ANKMY2: variants seen among roughly 807,000 people sequenced by gnomAD.
The protein encoded by ANKMY2 is ankyrin repeat and MYND domain containing 2, also known as ankyrin repeat and MYND domain-containing protein 2.
A neutral mutation model predicts 50.4 loss-of-function variants in ANKMY2; 36 were observed. That is an observed-to-expected ratio of 0.71 (90% confidence interval 0.55 to 0.94). The LOEUF (loss-of-function observed/expected upper bound fraction) is 0.94, where lower values mean the gene tolerates loss of function less well. Ranked by LOEUF, ANKMY2 falls within the 40% of genes least tolerant of loss-of-function variation. The pLI, the probability that ANKMY2 is intolerant of heterozygous loss-of-function variation, is 0.00. For synonymous variants in ANKMY2, 187 were observed against 178.8 expected (o/e 1.05, Z -0.36); for missense variants, 565 against 524.0 (o/e 1.08, Z -0.76).
At position 16,600,908 on chromosome 7, in the gene ANKMY2, T is replaced by C. The variant is rs1583664135; in HGVS notation, c.1179A>G (p.Glu393=). 6.2e-7 allele frequency: 1 copy of C among 1,610,934 alleles called. No homozygotes were observed. Among genetic ancestry groups the C allele is most frequent in the Non-Finnish European group, 8.5e-7 (1 of 1,178,794 alleles). Residue 393 remains glutamate (E), a synonymous_variant, in exon 10 of 10, where the codon GAA becomes GAG. Coordinates refer to ENST00000306999, the MANE Select transcript of ANKMY2 (RefSeq NM_020319.3). The part of the protein sequence containing the change: ...KLDVNSNCVN[E]EQPEAEVGIS... ...TACCTACTTCAGCCTCTGGTTGCTC[T>C]TCATTAACACAGTTAGAATTGACAT...
intron 1 of ANKMY2, among the ~76,000 whole-genome samples, chr7:16,637,670 A>T (rs538989576): frequency 6.6e-6 from 1 of 152,228 alleles, no homozygotes; most frequent in Non-Finnish European, 1.5e-5. Flanking sequence ...GTTCTACATG[A>T]AACCTTATTC....
intron 4 of ANKMY2, among the ~76,000 whole-genome samples, chr7:16,618,665 TGTG>T (rs1342036994): frequency 1.3e-5 from 2 of 152,176 alleles, no homozygotes; most frequent in Admixed American, 6.6e-5. Context: ...ATATTAAAAA[TGTG>T]AAATGAGCCA....
At chr7:16,608,728 G>A (rs992592536) in intron 7 of ANKMY2, among the ~76,000 whole-genome samples, 1 of 152,158 alleles carries the variant, frequency 6.6e-6, no homozygotes, top group African/African-American at 2.4e-5. Context: ...GTGGCTGGGC[G>A]CAGTGGGTCA....
intron 7 of ANKMY2, among the ~76,000 whole-genome samples, chr7:16,608,113 A>G (rs1384917305): frequency 1.3e-5 from 2 of 152,176 alleles, no homozygotes; most frequent in African/African-American, 2.4e-5. Context: ...AAGATGAGAA[A>G]GTGTTTGGGT....
rs1206734880 is a variant in ANKMY2 at position 16,610,645 on chromosome 7, A to G, written c.650T>C (p.Val217Ala). 3.1e-6 allele frequency: 5 copies of G among 1,613,838 alleles called. No individual in the cohort carries two copies. Among genetic ancestry groups the G allele is most frequent in the South Asian group, 1.1e-5 (1 of 91,076 alleles). ...TATGTAATGCATCTTCATAGCCAAT[A>G]CTTCATTCATGTCTCTTTGCTTCAT... Reference protein sequence around the residue: ...KCMKQRDMNEVLAMKMHYISC... With the variant: ...KCMKQRDMNEALAMKMHYISC... The change falls in exon 6 of 10, where the codon GTA becomes GCA. Residue 217 changes from valine (V) to alanine (A), a missense_variant. Val to Ala is a moderately conservative substitution (Grantham distance 64, BLOSUM62 0). Coordinates refer to ENST00000306999, the MANE Select transcript of ANKMY2 (RefSeq NM_020319.3).
chr7:16,612,138 A>AC, intron 5 of ANKMY2, among the ~76,000 whole-genome samples: 1 of 152,332 alleles, frequency 6.6e-6, no homozygotes, highest in East Asian at 1.9e-4. Context: ...GCCAGTCAGT[A>AC]CTTGCTAACC....
chr7:16,639,640 G>A (rs995401771), intron 1 of ANKMY2, among the ~76,000 whole-genome samples: 1 of 152,094 alleles, frequency 6.6e-6, no homozygotes, highest in Non-Finnish European at 1.5e-5. Context: ...AAATTAGCAA[G>A]GTGTGGTGGC....
intron 1 of ANKMY2, 22 bp downstream of exon 1, chr7:16,645,485 C>G (rs1445261956): frequency 5.7e-6 from 9 of 1,592,218 alleles, no homozygotes; most frequent in Non-Finnish European, 7.7e-6. Context: ...GCCGCGGCCG[C>G]GTCGCAGCCC....
chr7:16,600,421 T>C lies in ANKMY2; in HGVS notation c.*340A>G, dbSNP rs906647286. 2 of 167,424 alleles carry C rather than the reference T, an allele frequency of 1.2e-5. No individual in the cohort carries two copies. Among genetic ancestry groups the C allele is most frequent in the Non-Finnish European group, 2.6e-5 (2 of 78,284 alleles). 10.4% of individuals were successfully genotyped at this position (167,424 alleles called of 1,614,324 possible). A position where few individuals can be genotyped will look rare whatever the true frequency, so the allele number is the denominator to read the frequency against. ...ATCTCTCTTCCACACCTGTTCTGCTTGTCCCTTTGTTCCCTAAAGCCTGTA... is the reference window on the plus strand; with the variant it reads ...ATCTCTCTTCCACACCTGTTCTGCTCGTCCCTTTGTTCCCTAAAGCCTGTA... On this transcript the variant is annotated 3_prime_UTR_variant, in exon 10 of 10. Coordinates refer to ENST00000306999, the MANE Select transcript of ANKMY2 (RefSeq NM_020319.3).
At chr7:16,601,713 C>T (rs1243878128) in intron 9 of ANKMY2, among the ~76,000 whole-genome samples, 1 of 152,182 alleles carries the variant, frequency 6.6e-6, no homozygotes, top group Non-Finnish European at 1.5e-5. Context: ...AAATTACATG[C>T]ACTCCCCCAG....
chr7:16,621,690 C>T (rs961538598), intron 4 of ANKMY2, among the ~76,000 whole-genome samples: 1 of 152,180 alleles, frequency 6.6e-6, no homozygotes, highest in African/African-American at 2.4e-5. Context: ...AAATAAATTT[C>T]CTGCCGGGCA....
At chr7:16,611,155 C>T (rs376776612) in intron 5 of ANKMY2, among the ~76,000 whole-genome samples, 88 of 152,314 alleles carry the variant, frequency 5.8e-4, no homozygotes, top group African/African-American at 2.0e-3. Context: ...GTTAACATTA[C>T]TCAGCTCTAG....
At chr7:16,634,908 A>G (rs568332951) in intron 2 of ANKMY2, among the ~76,000 whole-genome samples, 1 of 152,374 alleles carries the variant, frequency 6.6e-6, no homozygotes, top group East Asian at 1.9e-4. Flanking sequence ...AAAATACAGA[A>G]TCATACAGCA....
chr7:16,635,978 T>C (rs1318783865), intron 2 of ANKMY2, among the ~76,000 whole-genome samples: 1 of 152,104 alleles, frequency 6.6e-6, no homozygotes, highest in Non-Finnish European at 1.5e-5. Context: ...ATTAGTGTAA[T>C]ATGAGCAAAA....
At chr7:16,638,829 A>G (rs1364888288) in intron 1 of ANKMY2, among the ~76,000 whole-genome samples, 2 of 147,794 alleles carry the variant, frequency 1.4e-5, no homozygotes, top group Non-Finnish European at 3.0e-5. Flanking sequence ...AGGGTCAAAG[A>G]CCAAATATTA....
Position 16,625,048 on chromosome 7 carries a change from G to C in ANKMY2, c.305C>G (p.Ala102Gly). 1 of 1,614,008 alleles carries C rather than the reference G, an allele frequency of 6.2e-7. No homozygotes were observed. Reference protein sequence around the residue: ...NKDITWVMLEAGAETDVVNSV... With the variant: ...NKDITWVMLEGGAETDVVNSV... ...GTTGACAACATCTGTCTCAGCACCA[G>C]CTTCTAACATTACCCATGTGATGTC... The change falls in exon 4 of 10, where the codon GCT (alanine) becomes GGT (glycine). Residue 102 changes from alanine (A) to glycine (G), a missense_variant. Ala to Gly is a moderately conservative substitution (Grantham distance 60, BLOSUM62 0). Coordinates refer to ENST00000306999, the MANE Select transcript of ANKMY2 (RefSeq NM_020319.3).
chr7:16,603,472 A>G (rs978137839), intron 8 of ANKMY2: 17 of 347,440 alleles, frequency 4.9e-5, no homozygotes, highest in Admixed American at 1.0e-4. Flanking sequence ...GAACAGCAAG[A>G]AGTTTTTGTA....
At position 16,609,625 on chromosome 7, in the gene ANKMY2, C is replaced by G; in HGVS notation, c.882+5G>C. On this transcript the variant is annotated splice_donor_5th_base_variant and intron_variant, in intron 7 of 9. Transcript: ENST00000306999. ...TAGAGTCAACTTAGGTAAGAGGAGC[C>G]TTACAATTTCAACAGGAGCAATGCT... 1 of 1,596,270 alleles carries G rather than the reference C, an allele frequency of 6.3e-7. No individual in the cohort carries two copies. Among genetic ancestry groups the G allele is most frequent in the South Asian group, 1.1e-5 (1 of 87,558 alleles).
At chr7:16,634,681 A>G (rs1012607912) in intron 2 of ANKMY2, among the ~76,000 whole-genome samples, 1 of 152,198 alleles carries the variant, frequency 6.6e-6, no homozygotes, top group African/African-American at 2.4e-5. Context: ...GGCCAGGAAG[A>G]GTGCCTGTTC....
Sources: gnomAD v4.1 joint callset for allele counts (sites outside exome capture counted in the v4.1 genomes callset) on GRCh38, gnomAD v4.1.1 for gene constraint, MANE v1.5 for transcripts, NCBI Gene and HGNC (gene_info 2026-07-23, HGNC 2026-07-21) for gene names.